Variants in AGXT2 observed in about 807,000 individuals in gnomAD.
AGXT2 encodes alanine--glyoxylate aminotransferase 2.
A neutral mutation model predicts 62.5 loss-of-function variants in AGXT2; 61 were observed. The observed-to-expected ratio is 0.98, with a 90% confidence interval of 0.79 to 1.21. The LOEUF (loss-of-function observed/expected upper bound fraction) is 1.21. Ranked by LOEUF, AGXT2 falls within the 50% of genes most tolerant of loss-of-function variation. The probability of loss-of-function intolerance (pLI) is 0.00; values close to 1 mark genes in which losing one functional copy is unlikely to be tolerated. For synonymous variants in AGXT2, 243 were observed against 218.7 expected, an observed-to-expected ratio of 1.11 and a Z score of -0.98; for missense variants, 666 against 641.5, an observed-to-expected ratio of 1.04 and a Z score of -0.41.
chr5:35,014,989 C>T (rs1766798575), intron 9 of AGXT2, among the ~76,000 whole-genome samples: 1 of 152,180 alleles, frequency 6.6e-6, no homozygotes, highest in South Asian at 2.1e-4. Context: ...GGTTGAACTC[C>T]TCTAATTTAG....
Position 35,028,105 on chromosome 5 carries a change from A to G in AGXT2, c.770-1595T>C, listed in dbSNP as rs762028101. Among the ~76,000 whole-genome samples, 3 of 152,064 alleles carry G rather than the reference A, an allele frequency of 2.0e-5. No individual in the cohort carries two copies. In the South Asian group the frequency reaches 6.2e-4, roughly 32 times the overall value. On this transcript the variant is annotated intron_variant, in intron 7 of 13. Transcript: ENST00000231420. ...TTCCCTGCACTCCACAGAGCCATCA[A>G]CATGGAAGCTCAAGGTTACCAGGTT...
chr5:35,035,954 G>A (rs1402165663), intron 4 of AGXT2, among the ~76,000 whole-genome samples: 2 of 152,126 alleles, frequency 1.3e-5, no homozygotes, highest in Non-Finnish European at 2.9e-5. Flanking sequence ...GTGGGCACCT[G>A]TAATCCCAGC....
rs1471606670 is a variant in AGXT2, at chr5:35,033,833, TG to T, written c.582-281del. On this transcript the variant is annotated intron_variant, in intron 5 of 13. Coordinates refer to ENST00000231420, the MANE Select transcript of AGXT2 (RefSeq NM_031900.4). ...TCCCTACTCTATTATTCCATAGTAATGAGACTCATCTTTTAGCAACAACATA... is the reference window on the plus strand; with the variant it reads ...TCCCTACTCTATTATTCCATAGTAATAGACTCATCTTTTAGCAACAACATA... 2.1e-4 allele frequency among the ~76,000 whole-genome samples: 32 copies of T among 152,314 alleles called. 2 individuals are homozygous for T. The South Asian group carries it at 6.2e-3, about 30-fold the overall frequency.
At chr5:35,044,381 A>T (rs1229039643) in intron 1 of AGXT2, among the ~76,000 whole-genome samples, 1 of 152,222 alleles carries the variant, frequency 6.6e-6, no homozygotes, top group Admixed American at 6.5e-5. Context: ...CACGCTGCTG[A>T]GGACCCTCAC....
chr5:35,033,492 T>C lies in AGXT2; in HGVS notation c.643A>G (p.Met215Val). The change falls in exon 6 of 14, where the codon ATG (methionine) becomes GTG (valine). Residue 215 changes from methionine to valine, a missense_variant. Met to Val is a conservative substitution (Grantham distance 21). Transcript: ENST00000231420. Reference protein sequence around the residue: ...LGLTNVGTYKMELPGGTGCQP... With the variant: ...LGLTNVGTYKVELPGGTGCQP... ...CAACCTGTCCCACCAGGGAGTTCCA[T>C]CTTGTAGGTCCCTACGTTTGTCAAG... 2 of 1,613,686 alleles carry C rather than the reference T, an allele frequency of 1.2e-6. No homozygotes were observed. The highest frequency in any genetic ancestry group is 1.7e-6 in the Non-Finnish European group (2 of 1,179,630).
chr5:34,999,211 C>T (rs1203579902), intron 13 of AGXT2, among the ~76,000 whole-genome samples: 2 of 152,206 alleles, frequency 1.3e-5, no homozygotes, highest in African/African-American at 4.8e-5. Flanking sequence ...TATGTCCACC[C>T]TTCTGCAACC....
Position 35,016,214 on chromosome 5 carries a change from T to G in AGXT2, c.964-2095A>C, listed in dbSNP as rs545763462. Among the ~76,000 whole-genome samples, 47 of 152,340 alleles carry G rather than the reference T, an allele frequency of 3.1e-4. 2 individuals are homozygous for G. The South Asian group carries it at 9.5e-3, about 31-fold the overall frequency. ...TGGCATAAATGGTGAAAAATCAGATTGCTTGGACAATGTGTAACAGTGAAA... is the reference window on the plus strand; with the variant it reads ...TGGCATAAATGGTGAAAAATCAGATGGCTTGGACAATGTGTAACAGTGAAA... On this transcript the variant is annotated intron_variant, in intron 9 of 13. Coordinates refer to ENST00000231420, the MANE Select transcript of AGXT2 (RefSeq NM_031900.4).
At chr5:35,017,586 T>G (rs1312065635) in intron 9 of AGXT2, among the ~76,000 whole-genome samples, 1 of 152,246 alleles carries the variant, frequency 6.6e-6, no homozygotes. Context: ...CCGCCATGAT[T>G]GTTAGGCCTC....
intron 13 of AGXT2, 133 bp downstream of exon 13, chr5:35,003,630 C>A (rs377361068): frequency 1.7e-5 from 15 of 866,460 alleles, no homozygotes; most frequent in Non-Finnish European, 2.3e-5. Context: ...TGGCTGGGTA[C>A]CTCGGCACAG....
chr5:35,014,472 AG>A (rs1396117088), intron 9 of AGXT2, among the ~76,000 whole-genome samples: 4 of 150,700 alleles, frequency 2.7e-5, no homozygotes, highest in African/African-American at 9.8e-5. Flanking sequence ...AAAAAAAAAA[AG>A]AAATGCTGTT....
intron 11 of AGXT2, 40 bp from the exon 12 acceptor site, chr5:35,010,189 G>A: frequency 6.2e-7 from 1 of 1,613,292 alleles, no homozygotes; most frequent in Non-Finnish European, 8.5e-7. Context: ...CATGGCAGAA[G>A]TTCTAAGATT....
chr5:34,998,635 A>G lies in AGXT2; in HGVS notation c.*84T>C. ...GAGCTGCAGGCTTTCTCTGGATACC[A>G]GTGGTTCTGAAATTCTTCAAATTCA... On this transcript the variant is annotated 3_prime_UTR_variant, in exon 14 of 14. Coordinates refer to ENST00000231420, the MANE Select transcript of AGXT2 (RefSeq NM_031900.4). The G allele has an allele frequency of 9.2e-7, 1 of 1,082,610 alleles. No homozygotes were observed. Among genetic ancestry groups the G allele is most frequent in the Non-Finnish European group, 1.4e-6 (1 of 715,354 alleles). The allele number at this position is 1,082,610 out of a possible 1,614,324, so 67.1% of individuals were successfully genotyped here.
intron 13 of AGXT2, among the ~76,000 whole-genome samples, chr5:35,002,383 C>T (rs183272045): frequency 7.5e-4 from 114 of 152,278 alleles, no homozygotes; most frequent in African/African-American, 2.5e-3. Flanking sequence ...CTTGGAGAAA[C>T]AAGCACACAG....
At chr5:35,031,299 G>T (rs1281433169) in intron 7 of AGXT2, among the ~76,000 whole-genome samples, 3 of 152,090 alleles carry the variant, frequency 2.0e-5, no homozygotes, top group African/African-American at 4.8e-5. Flanking sequence ...TTTCCTTCTG[G>T]TTTTAAATTC....
intron 10 of AGXT2, 87 bp from the exon 11 acceptor site, chr5:35,013,132 G>T: frequency 8.3e-7 from 1 of 1,200,312 alleles, no homozygotes; most frequent in African/African-American, 1.5e-5. Context: ...CAGTTACTTC[G>T]TGTTGTAAAT....
intron 10 of AGXT2, 47 bp from the exon 11 acceptor site, chr5:35,013,092 C>T (rs781005296): frequency 1.3e-6 from 2 of 1,494,194 alleles, no homozygotes; most frequent in African/African-American, 2.8e-5. Flanking sequence ...ACATTCCTGT[C>T]CACAATCTCT....
chr5:35,036,597 A>G (rs1276672725), intron 4 of AGXT2, among the ~76,000 whole-genome samples: 1 of 152,260 alleles, frequency 6.6e-6, no homozygotes, highest in Admixed American at 6.5e-5. Flanking sequence ...TCTTGAGGAC[A>G]TAGATGAGAA....
intron 4 of AGXT2, 124 bp from the exon 5 acceptor site, chr5:35,035,440 G>C: frequency 1.3e-6 from 1 of 780,974 alleles, no homozygotes; most frequent in Admixed American, 1.9e-5. Flanking sequence ...AGACCAGCTC[G>C]GGTTACCCAG....
chr5:35,020,173 A>G (rs1331634490), intron 9 of AGXT2, among the ~76,000 whole-genome samples: 2 of 152,214 alleles, frequency 1.3e-5, no homozygotes, highest in African/African-American at 2.4e-5. Flanking sequence ...ATTCCTTCTG[A>G]AACTATTCCA....
Sources: gnomAD v4.1 joint callset for allele counts (sites outside exome capture counted in the v4.1 genomes callset) on GRCh38, gnomAD v4.1.1 for gene constraint, MANE v1.5 for transcripts, NCBI Gene and HGNC (gene_info 2026-07-23, HGNC 2026-07-21) for gene names.